The following CYSTM1 variants were observed in gnomAD, a reference collection of about 807,000 sequenced individuals.
CYSTM1 encodes the protein cysteine-rich transmembrane module-containing protein 1.
In CYSTM1, 4 loss-of-function variants were observed where a neutral mutation model predicts 13.1. The observed-to-expected ratio is 0.31, with a 90% CI of 0.15 to 0.70. The LOEUF is 0.70. Ranked by LOEUF, CYSTM1 falls within the 30% of genes least tolerant of loss-of-function variation. The pLI is 0.72. For synonymous variants in CYSTM1, 36 were observed against 42.7 expected, an observed-to-expected ratio of 0.84 and a Z score of 0.62; for missense variants, 96 against 121.6, an observed-to-expected ratio of 0.79 and a Z score of 0.99.
intron 2 of CYSTM1, among the ~76,000 whole-genome samples, chr5:140,221,435 T>TG (rs1301268675): frequency 2.6e-5 from 4 of 152,232 alleles, no homozygotes; most frequent in Non-Finnish European, 5.9e-5. Context: ...TGAATTTGAC[T>TG]ACACTGAGTA....
intron 2 of CYSTM1, among the ~76,000 whole-genome samples, chr5:140,197,042 C>T (rs886353744): frequency 9.2e-5 from 14 of 152,146 alleles, no homozygotes; most frequent in African/African-American, 2.9e-4. Context: ...TTGAGTTATC[C>T]GGTAGACTCA....
intron 2 of CYSTM1, among the ~76,000 whole-genome samples, chr5:140,232,262 G>A (rs550522184): frequency 6.6e-6 from 1 of 152,314 alleles, no homozygotes; most frequent in East Asian, 1.9e-4. Context: ...GGAGCTGTCA[G>A]GTAAGCAATT....
chr5:140,178,441 CTTTT>C (rs577709524), intron 1 of CYSTM1, among the ~76,000 whole-genome samples: 8 of 52,664 alleles, frequency 1.5e-4, no homozygotes, highest in African/African-American at 3.4e-4. Flanking sequence ...CAAGTCCTTC[CTTTT>C]TTTTTTTTTT....
At chr5:140,232,996 C>T (rs769535898) in intron 2 of CYSTM1, among the ~76,000 whole-genome samples, 7 of 152,164 alleles carry the variant, frequency 4.6e-5, no homozygotes, top group Non-Finnish European at 1.0e-4. Flanking sequence ...GGAGGTCCTT[C>T]TGAACAGTAG....
intron 2 of CYSTM1, chr5:140,203,052 C>T (rs1764251466): frequency 6.6e-6 from 1 of 152,168 alleles, no homozygotes; most frequent in African/African-American, 2.4e-5. Context: ...GTCTCTGTCC[C>T]TCTGCATGGT....
At chr5:140,177,872 T>G (rs921635548) in intron 1 of CYSTM1, among the ~76,000 whole-genome samples, 2 of 152,224 alleles carry the variant, frequency 1.3e-5, no homozygotes, top group African/African-American at 4.8e-5. Context: ...AGTGGCCAAC[T>G]AATTATGGTT....
In CYSTM1 at chr5:140,230,627, A is replaced by C. The variant is rs1367046410; in HGVS notation, c.188-12678A>C. ...TCATCAGCAGGCTCATTCTGTCCAA[A>C]CTCCAGCTGGCCATATTGGTTCTAA... is the stretch of plus-strand genomic sequence containing the variant. On this transcript the variant is annotated intron_variant, in intron 2 of 2. Transcript: ENST00000261811. This position sits in a 1 kb window ranked among gnomAD's most constrained non-coding sequence, Gnocchi z 4.1. Among the ~76,000 whole-genome samples, 7 of 152,052 alleles carry C rather than the reference A, an allele frequency of 4.6e-5. No individual in the cohort carries two copies. The East Asian group carries it at 1.4e-3, about 29-fold the overall frequency.
chr5:140,235,474 T>G (rs2126672101), intron 2 of CYSTM1, among the ~76,000 whole-genome samples: 1 of 150,394 alleles, frequency 6.6e-6, no homozygotes, highest in South Asian at 2.1e-4. Context: ...GGTGCGATCT[T>G]GGCTCACTGC....
intron 1 of CYSTM1, among the ~76,000 whole-genome samples, chr5:140,178,636 T>A (rs1021823863): frequency 6.6e-6 from 1 of 151,900 alleles, no homozygotes; most frequent in African/African-American, 2.4e-5. Flanking sequence ...GTTCTGGCTC[T>A]GTTGCCTGGG....
intron 2 of CYSTM1, among the ~76,000 whole-genome samples, chr5:140,233,950 A>T (rs1764648392): frequency 6.6e-6 from 1 of 152,116 alleles, no homozygotes; most frequent in Admixed American, 6.5e-5. Flanking sequence ...TCTTCCATGG[A>T]GCAAAAGTTT....
intron 1 of CYSTM1, among the ~76,000 whole-genome samples, chr5:140,188,955 A>G (rs943785596): frequency 2.0e-5 from 3 of 152,228 alleles, no homozygotes; most frequent in Admixed American, 2.0e-4. Flanking sequence ...ATATGTATTC[A>G]TGTAAACATG....
chr5:140,222,615 G>A (rs1446929679), intron 2 of CYSTM1, among the ~76,000 whole-genome samples: 11 of 152,216 alleles, frequency 7.2e-5, no homozygotes, highest in South Asian at 2.1e-4. Context: ...AACTCATGAC[G>A]TGGTAAGGAC....
intron 2 of CYSTM1, among the ~76,000 whole-genome samples, chr5:140,208,292 A>G (rs1404038036): frequency 6.6e-6 from 1 of 152,244 alleles, no homozygotes; most frequent in Non-Finnish European, 1.5e-5. Flanking sequence ...TTGCAACAAC[A>G]TGGATGGAAC....
chr5:140,194,458 G>C lies in CYSTM1; in HGVS notation c.-8G>C. 6.4e-7 allele frequency: 1 copy of C among 1,571,666 alleles called. No individual in the cohort carries two copies. Among genetic ancestry groups the C allele is most frequent in the Non-Finnish European group, 8.6e-7 (1 of 1,166,614 alleles). Reference sequence around the variant, plus strand: ...TTTTGTCTCTTAGGTGCACTTTACAGGTCCCCGATGAACCAAGAGAACCCT... The same window carrying C: ...TTTTGTCTCTTAGGTGCACTTTACACGTCCCCGATGAACCAAGAGAACCCT... On this transcript the variant is annotated 5_prime_UTR_variant, in exon 2 of 3. Coordinates refer to ENST00000261811, the MANE Select transcript of CYSTM1 (RefSeq NM_032412.4).
chr5:140,184,387 G>GTTT (rs397739910), intron 1 of CYSTM1, among the ~76,000 whole-genome samples: 1 of 146,340 alleles, frequency 6.8e-6, no homozygotes, highest in Non-Finnish European at 1.5e-5. Context: ...ATAAAGTTGG[G>GTTT]TTTTTTTTTT....
intron 1 of CYSTM1, among the ~76,000 whole-genome samples, chr5:140,181,532 G>A (rs878879337): frequency 6.6e-6 from 1 of 152,210 alleles, no homozygotes; most frequent in African/African-American, 2.4e-5. Context: ...CTGCCAGACT[G>A]GAGTGCATGG....
intron 2 of CYSTM1, among the ~76,000 whole-genome samples, chr5:140,231,056 A>T (rs185198089): frequency 9.9e-4 from 151 of 152,362 alleles, no homozygotes; most frequent in African/African-American, 3.3e-3. Flanking sequence ...TTGGTGAAAG[A>T]GTTGACATAT....
chr5:140,191,685 G>A (rs1764097594), intron 1 of CYSTM1, among the ~76,000 whole-genome samples: 1 of 152,312 alleles, frequency 6.6e-6, no homozygotes, highest in African/African-American at 2.4e-5. Flanking sequence ...GATCTACGTG[G>A]TCTTGTTGAA....
At chr5:140,183,461 A>G (rs1201755369) in intron 1 of CYSTM1, among the ~76,000 whole-genome samples, 1 of 152,106 alleles carries the variant, frequency 6.6e-6, no homozygotes, top group Non-Finnish European at 1.5e-5. Flanking sequence ...ATGCTGTCCT[A>G]TATGTCCCAG....
Sources: gnomAD v4.1 joint callset for allele counts (sites outside exome capture counted in the v4.1 genomes callset) on GRCh38, gnomAD v4.1.1 for gene constraint, Gnocchi (gnomAD v3.1) non-coding constraint, MANE v1.5 for transcripts, NCBI Gene and HGNC (gene_info 2026-07-23, HGNC 2026-07-21) for gene names.